The following CDH18 variants were observed in gnomAD, a reference collection of about 807,000 sequenced individuals.
CDH18 encodes cadherin 18, also known as cadherin-18.
Under a neutral mutation model 67.9 loss-of-function variants are expected in CDH18, and 31 were observed. The ratio of observed to expected loss-of-function variants is 0.46; its 90% CI spans 0.34 to 0.62. CDH18 has a LOEUF of 0.62. CDH18 is among the 20% of genes least tolerant of loss of function. CDH18 has a pLI of 0.01. For missense variants in CDH18, 890 were observed against 975.5 expected (o/e 0.91, Z 1.17); for synonymous variants, 362 against 347.2 (o/e 1.04, Z -0.48).
At chr5:20,102,923 A>G (rs952802805) in intron 2 of CDH18, among the ~76,000 whole-genome samples, 3 of 152,226 alleles carry the variant, frequency 2.0e-5, no homozygotes, top group Admixed American at 2.0e-4. Flanking sequence ...CTCAAACCTA[A>G]TAAGTTTTTT....
chr5:19,507,656 C>CA (rs1180899788), intron 10 of CDH18, among the ~76,000 whole-genome samples: 2 of 152,060 alleles, frequency 1.3e-5, no homozygotes, highest in Non-Finnish European at 1.5e-5. Flanking sequence ...ATCGCAAGGA[C>CA]AAAAAACCAA....
intron 12 of CDH18, among the ~76,000 whole-genome samples, chr5:19,477,723 A>G (rs1245092905): frequency 1.3e-5 from 2 of 152,126 alleles, no homozygotes; most frequent in African/African-American, 4.8e-5. Flanking sequence ...CTGATAACCT[A>G]TCAAAGCATA....
intron 2 of CDH18, among the ~76,000 whole-genome samples, chr5:20,150,361 T>TA (rs939877621): frequency 5.9e-5 from 9 of 151,992 alleles, no homozygotes; most frequent in Admixed American, 2.0e-4. Context: ...GAGAATATTA[T>TA]AAAAAAGAGA....
chr5:19,739,875 C>T (rs1768871276), intron 4 of CDH18, among the ~76,000 whole-genome samples: 1 of 152,096 alleles, frequency 6.6e-6, no homozygotes, highest in Admixed American at 6.5e-5. Context: ...TAAATCAGCG[C>T]TCCAACAAGA....
intron 1 of CDH18, among the ~76,000 whole-genome samples, chr5:20,482,118 C>A (rs939411848): frequency 1.3e-5 from 2 of 151,728 alleles, no homozygotes; most frequent in Non-Finnish European, 1.5e-5. Flanking sequence ...ACGATTGAAA[C>A]TGCAGAAATT....
intron 1 of CDH18, among the ~76,000 whole-genome samples, chr5:20,543,000 T>C (rs1227867795): frequency 2.0e-5 from 3 of 152,036 alleles, no homozygotes; most frequent in Non-Finnish European, 4.4e-5. Context: ...ATTAACTTTT[T>C]GTTTGGCGTT....
chr5:20,420,288 G>A (rs1390046074), intron 1 of CDH18, among the ~76,000 whole-genome samples: 1 of 151,112 alleles, frequency 6.6e-6, no homozygotes, highest in Non-Finnish European at 1.5e-5. Context: ...CAAACTTTGG[G>A]CACTTGCTCT....
At chr5:19,799,825 G>A (rs1413046286) in intron 3 of CDH18, among the ~76,000 whole-genome samples, 1 of 152,094 alleles carries the variant, frequency 6.6e-6, no homozygotes, top group African/African-American at 2.4e-5. Context: ...CTTAGCACAT[G>A]CAAACTTTTC....
intron 5 of CDH18, among the ~76,000 whole-genome samples, chr5:19,665,842 A>G (rs1157732991): frequency 6.6e-6 from 1 of 152,086 alleles, no homozygotes; most frequent in African/African-American, 2.4e-5. Flanking sequence ...GTTCTTAATA[A>G]CACAGAACTT....
intron 2 of CDH18, among the ~76,000 whole-genome samples, chr5:19,864,976 C>T (rs955452061): frequency 2.0e-5 from 3 of 152,152 alleles, no homozygotes; most frequent in Non-Finnish European, 2.9e-5. Context: ...ACAGACAAGT[C>T]TGAAGAATTT....
At chr5:19,820,011 C>A (rs929460189) in intron 3 of CDH18, among the ~76,000 whole-genome samples, 13 of 152,124 alleles carry the variant, frequency 8.5e-5, no homozygotes, top group Non-Finnish European at 1.8e-4. Context: ...GAGGACAAAG[C>A]TTTCAAAGCT....
chr5:19,873,740 C>T (rs1475864242), intron 2 of CDH18, among the ~76,000 whole-genome samples: 2 of 152,106 alleles, frequency 1.3e-5, no homozygotes, highest in Non-Finnish European at 2.9e-5. Flanking sequence ...CTCTGCCCCC[C>T]AGGTTCAAGC....
chr5:19,923,581 G>A (rs1464003665), intron 2 of CDH18, among the ~76,000 whole-genome samples: 10 of 151,992 alleles, frequency 6.6e-5, no homozygotes, highest in African/African-American at 2.4e-4. Flanking sequence ...CTAGACTCTG[G>A]CATCTAATTA....
intron 2 of CDH18, among the ~76,000 whole-genome samples, chr5:19,882,621 T>C (rs1787772988): frequency 6.6e-6 from 1 of 152,270 alleles, no homozygotes; most frequent in African/African-American, 2.4e-5. Flanking sequence ...AAGTTTTGTA[T>C]CCAAACTCTC....
intron 1 of CDH18, among the ~76,000 whole-genome samples, chr5:20,363,535 A>G (rs1742269691): frequency 6.6e-6 from 1 of 150,504 alleles, no homozygotes; most frequent in Admixed American, 6.6e-5. Flanking sequence ...TATTAATGAC[A>G]CTTTAGCTCC....
At chr5:19,491,161 G>C (rs1342344769) in intron 11 of CDH18, among the ~76,000 whole-genome samples, 2 of 152,142 alleles carry the variant, frequency 1.3e-5, no homozygotes, top group African/African-American at 4.8e-5. Context: ...GGAGAAAGGA[G>C]AGCCACTGTA....
At chr5:20,380,791 T>A (rs2150099834) in intron 1 of CDH18, among the ~76,000 whole-genome samples, 1 of 152,246 alleles carries the variant, frequency 6.6e-6, no homozygotes, top group East Asian at 1.9e-4. Flanking sequence ...AGTTAACAGA[T>A]AATATTTCAA....
intron 2 of CDH18, among the ~76,000 whole-genome samples, chr5:20,062,711 C>T (rs1008868174): frequency 5.3e-5 from 8 of 152,092 alleles, no homozygotes; most frequent in Admixed American, 5.2e-4. Context: ...TTTTGCATCG[C>T]TCTTCTATTA....
chr5:20,273,349 G>T (rs1439296836), intron 1 of CDH18, among the ~76,000 whole-genome samples: 1 of 151,936 alleles, frequency 6.6e-6, no homozygotes, highest in African/African-American at 2.4e-5. Context: ...CAAAGAGCTC[G>T]AGAGATTAAG....
Sources: gnomAD v4.1 joint callset for allele counts (sites outside exome capture counted in the v4.1 genomes callset) on GRCh38, gnomAD v4.1.1 for gene constraint, MANE v1.5 for transcripts, NCBI Gene and HGNC (gene_info 2026-07-23, HGNC 2026-07-21) for gene names.